Variants in MDFIC2 observed in about 807,000 individuals in gnomAD.
MDFIC2 encodes MyoD family inhibitor domain containing 2.
At chr3:70,211,911 T>C (rs561900092) in intron 2 of MDFIC2, among the ~76,000 whole-genome samples, 2 of 151,658 alleles carry the variant, frequency 1.3e-5, no homozygotes, top group East Asian at 3.9e-4. Flanking sequence ...TCCTTTCCTT[T>C]GTCCTTTCCT....
intron 2 of MDFIC2, among the ~76,000 whole-genome samples, chr3:70,293,113 AC>A (rs1209714757): frequency 1.3e-5 from 2 of 150,534 alleles, no homozygotes; most frequent in East Asian, 3.9e-4. Flanking sequence ...TTCAGTATTC[AC>A]CAACTGCTGC....
At chr3:70,221,617 G>C (rs1477165623) in intron 2 of MDFIC2, among the ~76,000 whole-genome samples, 1 of 152,118 alleles carries the variant, frequency 6.6e-6, no homozygotes, top group East Asian at 1.9e-4. Flanking sequence ...CTTCTGTGCT[G>C]TCTCTAACCT....
At chr3:70,215,958 C>T (rs1701405626) in intron 2 of MDFIC2, among the ~76,000 whole-genome samples, 1 of 152,004 alleles carries the variant, frequency 6.6e-6, no homozygotes, top group Non-Finnish European at 1.5e-5. Flanking sequence ...TGTGGTAAAA[C>T]ACATCTTGGT....
At chr3:70,220,966 A>G (rs1182830391) in intron 2 of MDFIC2, among the ~76,000 whole-genome samples, 1 of 152,188 alleles carries the variant, frequency 6.6e-6, no homozygotes, top group East Asian at 1.9e-4. Flanking sequence ...GCATCAGCTT[A>G]CTAAGTGGTA....
chr3:70,228,314 C>CA (rs199974333), intron 2 of MDFIC2, among the ~76,000 whole-genome samples: 2,607 of 151,664 alleles, frequency 0.017, 35 homozygotes, highest in Non-Finnish European at 0.028. Flanking sequence ...AAATATTAAC[C>CA]AAAAAATCTT....
chr3:70,285,827 C>G (rs747272587), intron 2 of MDFIC2, among the ~76,000 whole-genome samples: 13 of 152,166 alleles, frequency 8.5e-5, no homozygotes, highest in Non-Finnish European at 1.8e-4. Flanking sequence ...AGCATTTAAT[C>G]ATGTGTTTTT....
intron 2 of MDFIC2, among the ~76,000 whole-genome samples, chr3:70,211,125 G>C (rs529857565): frequency 1.3e-5 from 2 of 151,876 alleles, no homozygotes; most frequent in African/African-American, 2.4e-5. Context: ...ATAAGTACTA[G>C]GTCCTCTGAT....
intron 2 of MDFIC2, among the ~76,000 whole-genome samples, chr3:70,214,465 C>T (rs766899518): frequency 3.3e-5 from 5 of 151,870 alleles, no homozygotes; most frequent in Non-Finnish European, 7.4e-5. Flanking sequence ...TATTATTCCT[C>T]CAGAAATAAT....
intron 2 of MDFIC2, among the ~76,000 whole-genome samples, chr3:70,294,233 AT>A (rs1257960303): frequency 2.6e-5 from 4 of 152,186 alleles, no homozygotes; most frequent in Non-Finnish European, 5.9e-5. Flanking sequence ...TAAAAATTAC[AT>A]TAAATTGATT....
chr3:70,227,655 A>G (rs185065969), intron 2 of MDFIC2, among the ~76,000 whole-genome samples: 1 of 152,338 alleles, frequency 6.6e-6, no homozygotes, highest in Admixed American at 6.5e-5. Flanking sequence ...CCAACCTAAT[A>G]ATACTACTTA....
At chr3:70,299,151 G>A (rs1382562717) in intron 2 of MDFIC2, among the ~76,000 whole-genome samples, 1 of 152,046 alleles carries the variant, frequency 6.6e-6, no homozygotes, top group Non-Finnish European at 1.5e-5. Context: ...ATAGGTAATT[G>A]GTTACATATA....
chr3:70,239,151 A>T (rs973501119), intron 2 of MDFIC2, among the ~76,000 whole-genome samples: 1 of 152,196 alleles, frequency 6.6e-6, no homozygotes, highest in Non-Finnish European at 1.5e-5. Context: ...TCAATTTGCA[A>T]TAGTGAAAAG....
chr3:70,241,322 G>C (rs1271820181), intron 2 of MDFIC2, among the ~76,000 whole-genome samples: 1 of 152,112 alleles, frequency 6.6e-6, no homozygotes, highest in Non-Finnish European at 1.5e-5. Flanking sequence ...ACATGATGAA[G>C]AATGTGCTAT....
chr3:70,209,834 G>T (rs1458220540), intron 2 of MDFIC2, among the ~76,000 whole-genome samples: 1 of 152,004 alleles, frequency 6.6e-6, no homozygotes, highest in South Asian at 2.1e-4. Context: ...TTACACACTC[G>T]CCTTTCCCTT....
rs1559532112 is a variant in MDFIC2 at position 70,194,871 on chromosome 3, G to A, written c.*2055C>T. 6.6e-6 allele frequency among the ~76,000 whole-genome samples: 1 copy of A among 152,152 alleles called. No individual in the cohort carries two copies. The highest frequency in any genetic ancestry group is 1.5e-5 in the Non-Finnish European group (1 of 68,022). On this transcript the variant is annotated 3_prime_UTR_variant, in exon 4 of 4. Transcript: ENST00000567252. ...GACCCCCAGGTGTTCCTCCTTTAGT[G>A]ACTAGACCACGGGTAGAGGGGTGGG... is the stretch of plus-strand genomic sequence containing the variant.
chr3:70,293,102 A>T (rs957395363), intron 2 of MDFIC2, among the ~76,000 whole-genome samples: 17 of 151,062 alleles, frequency 1.1e-4, no homozygotes, highest in Non-Finnish European at 1.8e-4. Context: ...AAGAAAGAAA[A>T]TTCAGTATTC....
chr3:70,262,954 A>C (rs1030323919), intron 2 of MDFIC2, among the ~76,000 whole-genome samples: 1 of 152,126 alleles, frequency 6.6e-6, no homozygotes, highest in Admixed American at 6.5e-5. Flanking sequence ...TGCTCTTCCT[A>C]TCTGTATTGT....
chr3:70,305,566 G>A (rs778075753), intron 2 of MDFIC2, among the ~76,000 whole-genome samples: 1 of 152,108 alleles, frequency 6.6e-6, no homozygotes, highest in Non-Finnish European at 1.5e-5. Context: ...GTTCCTTGAG[G>A]GCAGGACATT....
chr3:70,225,262 C>T (rs1200912064), intron 2 of MDFIC2, among the ~76,000 whole-genome samples: 2 of 152,170 alleles, frequency 1.3e-5, no homozygotes, highest in African/African-American at 2.4e-5. Flanking sequence ...ATAAACTTTT[C>T]CCCAGATTTT....
Sources: allele counts gnomAD v4.1 joint callset (sites outside exome capture counted in the v4.1 genomes callset), GRCh38; gene constraint gnomAD v4.1.1; transcripts MANE v1.5; gene names NCBI Gene and HGNC (gene_info 2026-07-23, HGNC 2026-07-21).